The following HLTF variants were observed in gnomAD, a reference collection of about 807,000 sequenced individuals.
HLTF encodes DNA-dependent ATPase/E3 ubiquitin-protein ligase HLTF.
HLTF carries 127 observed loss-of-function variants against 129.4 expected under a neutral mutation model. The ratio of observed to expected loss-of-function variants is 0.98; its 90% CI spans 0.85 to 1.14. The LOEUF (loss-of-function observed/expected upper bound fraction) is 1.14, where lower values mean the gene tolerates loss of function less well. Among genes scored for constraint, HLTF ranks in the 50% most tolerant of loss-of-function variants. HLTF has a pLI of 0.00. For synonymous variants in HLTF, 332 were observed against 388.8 expected (o/e 0.85, Z 1.72); for missense variants, 1,139 against 1,187.1 (o/e 0.96, Z 0.60).
intron 24 of HLTF, among the ~76,000 whole-genome samples, chr3:149,032,834 G>GC (rs1427668825): frequency 9.2e-5 from 14 of 151,698 alleles, no homozygotes; most frequent in African/African-American, 3.4e-4. Context: ...ATGGTGGTGG[G>GC]CGCCTGTAGT....
rs546633631 is a variant in HLTF, at chr3:149,075,770, C to T, written c.395+111G>A. 7.4e-5 allele frequency: 43 copies of T among 582,262 alleles called. 1 individual carries two copies. In the South Asian group the frequency reaches 1.4e-3, roughly 19 times the overall value. 36.1% of individuals were successfully genotyped at this position (582,262 alleles called of 1,614,324 possible). On this transcript the variant is annotated intron_variant, in intron 3 of 24. Transcript: ENST00000310053. The stretch of plus-strand genomic sequence containing the variant: ...ATTTATTTAACACGTACCAAAAGTA[C>T]AGTGATAGAAATTGTTAGCATACCT...
chr3:149,050,748 A>G (rs1340866376), intron 14 of HLTF, among the ~76,000 whole-genome samples: 1 of 152,146 alleles, frequency 6.6e-6, no homozygotes, highest in Non-Finnish European at 1.5e-5. Flanking sequence ...AACAACCAAT[A>G]TTTCCAAGGA....
chr3:149,048,990 A>G lies in HLTF; in HGVS notation c.1629T>C (p.Asp543=). 6.2e-7 allele frequency: 1 copy of G among 1,601,358 alleles called. No individual in the cohort carries two copies. The highest frequency in any genetic ancestry group is 1.1e-5 in the South Asian group (1 of 90,514). ...GCCACCTTATGCTATGTAATGGACT[A>G]TCTCCTTTAGTCTGAAATAAATGTT... ...ILTHDYGTKG[D]SPLHSIRWLR... Residue 543 remains aspartate, a synonymous_variant, in exon 16 of 25, where the codon GAT becomes GAC. Transcript: ENST00000310053.
At chr3:149,063,067 CTT>C in intron 10 of HLTF, 1 of 408,516 alleles carries the variant, frequency 2.4e-6, no homozygotes, top group African/African-American at 2.1e-5. Flanking sequence ...CTCTCTTTTT[CTT>C]TTTTTTTTGA....
At chr3:149,049,289 C>T (rs915287736) in intron 15 of HLTF, among the ~76,000 whole-genome samples, 7 of 152,182 alleles carry the variant, frequency 4.6e-5, no homozygotes, top group African/African-American at 1.7e-4. Flanking sequence ...AGCAGTCTAG[C>T]TCTCTGTTGA....
chr3:149,032,895 G>A (rs901475875), intron 24 of HLTF, among the ~76,000 whole-genome samples: 11 of 150,528 alleles, frequency 7.3e-5, no homozygotes, highest in Admixed American at 4.0e-4. Context: ...CCCGGGAGGC[G>A]GAGCTTGCAG....
At chr3:149,040,728 G>C (rs1301935128) in intron 20 of HLTF, among the ~76,000 whole-genome samples, 1 of 151,996 alleles carries the variant, frequency 6.6e-6, no homozygotes, top group Admixed American at 6.6e-5. Context: ...TTATTTAAAA[G>C]TCAATACAGT....
chr3:149,084,817 T>C lies in HLTF; in HGVS notation c.93A>G (p.Pro31=). ...VHGNFPRLSY[P]TFFPRFEFQD... is the part of the protein sequence containing the mutation. ...GGAATTCAAAACGTGGAAAGAAAGT[T>C]GGATATGAGAGGCGTGGAAAATTTC... The change falls in exon 2 of 25, where the codon CCA becomes CCG. Residue 31 remains proline, a synonymous_variant. Coordinates refer to ENST00000310053, the MANE Select transcript of HLTF (RefSeq NM_003071.4). 1.9e-6 allele frequency: 3 copies of C among 1,614,150 alleles called. No individual in the cohort carries two copies. The highest frequency in any genetic ancestry group is 2.5e-6 in the Non-Finnish European group (3 of 1,179,984).
At chr3:149,054,796 CAA>C (rs1427653958) in intron 14 of HLTF, among the ~76,000 whole-genome samples, 1 of 152,178 alleles carries the variant, frequency 6.6e-6, no homozygotes, top group Non-Finnish European at 1.5e-5. Flanking sequence ...TGACCTTAGG[CAA>C]CTTAACCTCT....
In HLTF at chr3:149,048,851, T is replaced by C; in HGVS notation, c.1756+12A>G. On this transcript the variant is annotated intron_variant, in intron 16 of 24. Transcript: ENST00000310053. The stretch of plus-strand genomic sequence containing the variant: ...AGATTTAAGGTTTTAGTAAGTTTAA[T>C]GCTATGATTACCTGTCAAAACCCAT... The C allele has an allele frequency of 1.9e-6, 3 of 1,604,644 alleles. No individual in the cohort carries two copies. Among genetic ancestry groups the C allele is most frequent in the Non-Finnish European group, 8.5e-7 (1 of 1,171,806 alleles).
chr3:149,035,686 G>A (rs1559852341), intron 23 of HLTF, among the ~76,000 whole-genome samples: 1 of 86,412 alleles, frequency 1.2e-5, no homozygotes, highest in East Asian at 4.1e-4. Flanking sequence ...AAAAAAAAGG[G>A]GGTTTTAAGA....
intron 8 of HLTF, 22 bp from the exon 9 acceptor site, chr3:149,064,888 T>C: frequency 7.4e-7 from 1 of 1,346,040 alleles, no homozygotes; most frequent in Non-Finnish European, 1.1e-6. Context: ...GGCATATTTC[T>C]TAAACAGTAC....
chr3:149,032,786 T>C (rs1715214891), intron 24 of HLTF, among the ~76,000 whole-genome samples: 1 of 151,764 alleles, frequency 6.6e-6, no homozygotes, highest in South Asian at 2.1e-4. Context: ...CACGGTGAAA[T>C]GCCATCTCTA....
At chr3:149,047,989 A>T in intron 17 of HLTF, 39 bp downstream of exon 17, 2 of 1,525,012 alleles carry the variant, frequency 1.3e-6, no homozygotes, top group Non-Finnish European at 8.8e-7. Flanking sequence ...ACTAACAGTT[A>T]TTTGTAACTA....
At position 149,055,306 on chromosome 3, in the gene HLTF, C is replaced by T. The variant is rs768516413; in HGVS notation, c.1470G>A (p.Trp490Ter). Residue 490 changes from tryptophan (W) to a stop codon, truncating the protein, a stop_gained, in exon 14 of 25, where the codon TGG (tryptophan) becomes TGA (stop). Transcript: ENST00000310053. LOFTEE classifies it high-confidence loss of function. The part of the protein sequence containing the change: ...IICPLSVLSN[W>*]IDQFGQHIKS... The stretch of plus-strand genomic sequence containing the variant: ...TTTAAAGGGCTTAAAGACTTACAAT[C>T]CAGTTGCTTAACACAGAAAGCGGAC... 2 of 1,606,782 alleles carry T rather than the reference C, an allele frequency of 1.2e-6. No homozygotes were observed. Among genetic ancestry groups the T allele is most frequent in the South Asian group, 2.2e-5 (2 of 90,806 alleles).
intron 8 of HLTF, among the ~76,000 whole-genome samples, chr3:149,067,687 A>G (rs995630503): frequency 2.6e-5 from 4 of 151,260 alleles, no homozygotes; most frequent in South Asian, 2.1e-4. Flanking sequence ...ATGTTGAGGG[A>G]AAAAAAAATA....
At chr3:149,055,617 G>C (rs941400985) in intron 13 of HLTF, among the ~76,000 whole-genome samples, 1 of 152,184 alleles carries the variant, frequency 6.6e-6, no homozygotes, top group African/African-American at 2.4e-5. Context: ...CTATGACAGA[G>C]AGTAGGTCAC....
chr3:149,030,906 T>G lies in HLTF; in HGVS notation c.*1314A>C, dbSNP rs1019613546. 3 of 152,198 alleles carry G rather than the reference T, an allele frequency of 2.0e-5. No individual in the cohort carries two copies. Among genetic ancestry groups the G allele is most frequent in the African/African-American group, 2.4e-5 (1 of 41,442 alleles). The allele number at this position is 152,198 out of a possible 1,614,324, so 9.4% of individuals were successfully genotyped here. A position where few individuals can be genotyped will look rare whatever the true frequency, so the allele number is the denominator to read the frequency against. On this transcript the variant is annotated 3_prime_UTR_variant, in exon 25 of 25. Transcript: ENST00000310053. ...CAATGTGTGCCCTATAACACAACATTGTCTCCGATCTCATCTTTCTATCAA... is the reference window on the plus strand; with the variant it reads ...CAATGTGTGCCCTATAACACAACATGGTCTCCGATCTCATCTTTCTATCAA...
At chr3:149,083,681 G>A (rs1218485600) in intron 2 of HLTF, 1 of 151,478 alleles carries the variant, frequency 6.6e-6, no homozygotes, top group African/African-American at 2.4e-5. Flanking sequence ...AGGCCAAGGC[G>A]GACGGATCAC....
Sources: gnomAD v4.1 joint callset for allele counts (sites outside exome capture counted in the v4.1 genomes callset) on GRCh38, gnomAD v4.1.1 for gene constraint, MANE v1.5 for transcripts, NCBI Gene and HGNC (gene_info 2026-07-23, HGNC 2026-07-21) for gene names.